The following FARS2 variants were observed in gnomAD, a reference collection of about 807,000 sequenced individuals.
FARS2 encodes phenylalanyl-tRNA synthetase 2, mitochondrial, also known as phenylalanine--tRNA ligase, mitochondrial.
In FARS2, 40 loss-of-function variants were observed where a neutral mutation model predicts 46.4. That is an observed-to-expected ratio of 0.86 (90% CI 0.67 to 1.12). FARS2 has a LOEUF of 1.12. Among genes scored for constraint, FARS2 ranks in the 50% most tolerant of loss-of-function variants. The probability of loss-of-function intolerance (pLI) is 0.00; values close to 1 mark genes in which losing one functional copy is unlikely to be tolerated. For synonymous variants in FARS2, 234 were observed against 214.9 expected (o/e 1.09, Z -0.78); for missense variants, 513 against 567.9 (o/e 0.90, Z 0.98).
chr6:5,537,466 C>CCCGGGCCTCCTCTCCAGT (rs1554106448), intron 4 of FARS2, among the ~76,000 whole-genome samples: 2 of 120,868 alleles, frequency 1.7e-5, no homozygotes, highest in African/African-American at 6.0e-5. Flanking sequence ...TCCTCTCGAG[C>CCCGGGCCTCCTCTCCAGT]TGGAGATGTC....
chr6:5,629,761 G>A (rs1207141035), intron 6 of FARS2, among the ~76,000 whole-genome samples: 1 of 152,056 alleles, frequency 6.6e-6, no homozygotes, highest in South Asian at 2.1e-4. Flanking sequence ...GGAGATGAGA[G>A]TCTGGGCTGA....
intron 2 of FARS2, among the ~76,000 whole-genome samples, chr6:5,393,519 A>G (rs1760709983): frequency 6.6e-6 from 1 of 152,176 alleles, no homozygotes. Flanking sequence ...TTAGCTGGGC[A>G]TGGTGGTGCG....
chr6:5,741,671 G>A (rs908352187), intron 6 of FARS2, among the ~76,000 whole-genome samples: 1 of 152,130 alleles, frequency 6.6e-6, no homozygotes, highest in Non-Finnish European at 1.5e-5. Flanking sequence ...GTTTTTTTCT[G>A]ATAGAGTCTG....
At chr6:5,657,658 T>G (rs148522262) in intron 6 of FARS2, among the ~76,000 whole-genome samples, 1 of 152,318 alleles carries the variant, frequency 6.6e-6, no homozygotes, top group Non-Finnish European at 1.5e-5. Flanking sequence ...TATATGCATT[T>G]AGCTACACAA....
intron 1 of FARS2, among the ~76,000 whole-genome samples, chr6:5,327,438 G>T (rs1010057175): frequency 8.5e-5 from 13 of 152,164 alleles, no homozygotes; most frequent in African/African-American, 2.9e-4. Flanking sequence ...GAGGGACCTG[G>T]TGGGAGGTAA....
intron 4 of FARS2, among the ~76,000 whole-genome samples, chr6:5,517,504 C>T (rs559340385): frequency 1.3e-5 from 2 of 151,380 alleles, no homozygotes; most frequent in Non-Finnish European, 2.9e-5. Context: ...TCCCAGCTAC[C>T]GGGAGGCTGA....
chr6:5,592,260 C>G (rs771366095), intron 5 of FARS2, among the ~76,000 whole-genome samples: 3 of 152,044 alleles, frequency 2.0e-5, no homozygotes. Context: ...GTGGTATATG[C>G]TTTTAGTCCC....
rs145388676 is a variant in FARS2 at position 5,695,993 on chromosome 6, A to T, written c.1218-75298A>T. On this transcript the variant is annotated intron_variant, in intron 6 of 6. Coordinates refer to ENST00000274680, the MANE Select transcript of FARS2 (RefSeq NM_006567.5). ...CTCAGCCTCACTCATGATTAGAGAA[A>T]TACAAATTATTTGCTGCAAATGACA... is the stretch of plus-strand genomic sequence containing the variant. 2.9e-3 allele frequency among the ~76,000 whole-genome samples: 444 copies of T among 152,354 alleles called. 4 individuals carry two copies. Among genetic ancestry groups the T allele is most frequent in the African/African-American group, 9.5e-3 (397 of 41,588 alleles).
At chr6:5,412,141 A>C (rs1761972293) in intron 3 of FARS2, among the ~76,000 whole-genome samples, 1 of 151,872 alleles carries the variant, frequency 6.6e-6, no homozygotes, top group Non-Finnish European at 1.5e-5. Context: ...ATTGAAATGC[A>C]CCTCCCAGCA....
intron 6 of FARS2, among the ~76,000 whole-genome samples, chr6:5,726,336 C>G (rs984037116): frequency 1.3e-5 from 2 of 152,082 alleles, no homozygotes; most frequent in African/African-American, 4.8e-5. Context: ...CAGGGGGCTC[C>G]TAGATGATGG....
In FARS2 at chr6:5,278,497, G is replaced by C. The variant is rs114990795; in HGVS notation, c.-22+16837G>C. Among the ~76,000 whole-genome samples, 516 of 152,274 alleles carry C rather than the reference G, an allele frequency of 3.4e-3. 1 individual carries two copies. The highest frequency in any genetic ancestry group is 0.012 in the African/African-American group (493 of 41,546). The stretch of plus-strand genomic sequence containing the variant: ...TTACACAAAGTTTTTTACTAAAAAT[G>C]ACGATGTTAATGGCGTACTTTATTT... On this transcript the variant is annotated intron_variant, in intron 1 of 6. Transcript: ENST00000274680.
intron 4 of FARS2, among the ~76,000 whole-genome samples, chr6:5,544,348 G>A (rs1456071216): frequency 1.3e-5 from 2 of 152,214 alleles, no homozygotes; most frequent in African/African-American, 2.4e-5. Context: ...TGTGCATGCG[G>A]GGTGGGAGTC....
chr6:5,599,650 G>A (rs1470316579), intron 5 of FARS2, among the ~76,000 whole-genome samples: 1 of 152,194 alleles, frequency 6.6e-6, no homozygotes, highest in African/African-American at 2.4e-5. Context: ...ATTCAGTGGT[G>A]TTTTTTAGTA....
chr6:5,639,112 G>A (rs1776684221), intron 6 of FARS2, among the ~76,000 whole-genome samples: 9 of 152,180 alleles, frequency 5.9e-5, no homozygotes, highest in Admixed American at 5.9e-4. Flanking sequence ...TCTCTCATCT[G>A]GACAAGTTAC....
At chr6:5,578,382 C>G (rs1156755073) in intron 5 of FARS2, among the ~76,000 whole-genome samples, 1 of 152,154 alleles carries the variant, frequency 6.6e-6, no homozygotes, top group East Asian at 1.9e-4. Flanking sequence ...CTTCACAGTA[C>G]CCAGCTTGTG....
intron 6 of FARS2, among the ~76,000 whole-genome samples, chr6:5,627,072 G>T (rs1212355071): frequency 1.3e-5 from 2 of 152,240 alleles, no homozygotes; most frequent in African/African-American, 4.8e-5. Flanking sequence ...ACAAATGCAT[G>T]AGTAATGTGT....
In FARS2 at chr6:5,542,845, T is replaced by C. The variant is rs1460370599; in HGVS notation, c.905-2335T>C. On this transcript the variant is annotated intron_variant, in intron 4 of 6. Transcript: ENST00000274680. The stretch of plus-strand genomic sequence containing the variant: ...GTGATGACTTCTTTGGCTCATGTGT[T>C]ACTTAGAGAAGTATGTTGTTTAATT... 3.3e-5 allele frequency among the ~76,000 whole-genome samples: 5 copies of C among 152,264 alleles called. No individual in the cohort carries two copies. The South Asian group carries it at 8.3e-4, about 25-fold the overall frequency.
intron 1 of FARS2, among the ~76,000 whole-genome samples, chr6:5,282,593 G>A (rs1046430724): frequency 2.0e-5 from 3 of 152,224 alleles, no homozygotes; most frequent in African/African-American, 7.2e-5. Flanking sequence ...GCTGGAGTGT[G>A]CGATTTAGTC....
chr6:5,554,038 G>A (rs1479556447), intron 5 of FARS2, among the ~76,000 whole-genome samples: 1 of 151,998 alleles, frequency 6.6e-6, no homozygotes, highest in Non-Finnish European at 1.5e-5. Flanking sequence ...GATACCTTTG[G>A]CACTCAATCT....
Sources: allele counts gnomAD v4.1 joint callset (sites outside exome capture counted in the v4.1 genomes callset), GRCh38; gene constraint gnomAD v4.1.1; transcripts MANE v1.5; gene names NCBI Gene and HGNC (gene_info 2026-07-23, HGNC 2026-07-21).